The following DACH2 variants were observed in gnomAD, a reference collection of about 807,000 sequenced individuals.
The protein encoded by DACH2 is dachshund homolog 2.
A neutral mutation model predicts 35.8 loss-of-function variants in DACH2; 17 were observed. The ratio of observed to expected loss-of-function variants is 0.48; its 90% confidence interval spans 0.33 to 0.71. The LOEUF (loss-of-function observed/expected upper bound fraction) is 0.71. DACH2 is among the 30% of genes least tolerant of loss of function. The probability of loss-of-function intolerance (pLI) is 0.02; values close to 1 mark genes in which losing one functional copy is unlikely to be tolerated. For missense variants in DACH2, 469 were observed against 472.7 expected (o/e 0.99, Z 0.07); for synonymous variants, 195 against 177.3 (o/e 1.10, Z -0.79).
At chrX:86,732,726 C>T (rs1476948237) in intron 6 of DACH2, among the ~76,000 whole-genome samples, 4 of 112,214 alleles carry the variant, frequency 3.6e-5, no homozygotes, top group Non-Finnish European at 7.5e-5. Flanking sequence ...CTACTAAGTG[C>T]ACAGCATGTA....
chrX:86,282,168 AC>A (rs1203636534), intron 1 of DACH2, among the ~76,000 whole-genome samples: 2 of 50,168 alleles, frequency 4.0e-5, no homozygotes, highest in Non-Finnish European at 6.5e-5. Context: ...TTCGTATGGA[AC>A]CAAAAAAAAG....
At chrX:86,455,708 G>A (rs899799316) in intron 2 of DACH2, among the ~76,000 whole-genome samples, 26 of 112,229 alleles carry the variant, frequency 2.3e-4, no homozygotes, top group African/African-American at 6.5e-4. Flanking sequence ...ACTTGGTCCC[G>A]TCTCAGGCAG....
At chrX:86,361,107 CT>C (rs2035732846) in intron 1 of DACH2, among the ~76,000 whole-genome samples, 1 of 111,364 alleles carries the variant, frequency 9.0e-6, no homozygotes, top group South Asian at 3.7e-4. Context: ...TTGAAAAACT[CT>C]TTAAAGTGTA....
chrX:86,449,509 G>A (rs1479746140), intron 2 of DACH2, among the ~76,000 whole-genome samples: 1 of 111,450 alleles, frequency 9.0e-6, no homozygotes, highest in Admixed American at 9.5e-5. Flanking sequence ...TGAAGGGTAA[G>A]GACATATTAC....
At chrX:86,292,246 G>C (rs1313049175) in intron 1 of DACH2, among the ~76,000 whole-genome samples, 3 of 76,152 alleles carry the variant, frequency 3.9e-5, no homozygotes, top group Non-Finnish European at 7.2e-5. Context: ...ATGGTAGTTT[G>C]TATTTCTGTG....
intron 3 of DACH2, among the ~76,000 whole-genome samples, chrX:86,530,476 T>A (rs2038702393): frequency 9.0e-6 from 1 of 111,398 alleles, no homozygotes; most frequent in African/African-American, 3.3e-5. Flanking sequence ...TTTTAAAGCA[T>A]GGTACTTCCT....
intron 7 of DACH2, among the ~76,000 whole-genome samples, chrX:86,801,160 A>G (rs1343709846): frequency 2.7e-5 from 3 of 111,203 alleles, no homozygotes; most frequent in African/African-American, 9.8e-5. Flanking sequence ...AAACTCATCT[A>G]TTAGGAAAAC....
intron 7 of DACH2, among the ~76,000 whole-genome samples, chrX:86,787,403 T>C (rs2042147485): frequency 1.8e-5 from 2 of 110,939 alleles, no homozygotes; most frequent in South Asian, 3.8e-4. Context: ...TTGGATCACC[T>C]GAGGAGTTTG....
At chrX:86,740,372 CT>C (rs1264835917) in intron 7 of DACH2, among the ~76,000 whole-genome samples, 24 of 108,550 alleles carry the variant, frequency 2.2e-4, no homozygotes, top group African/African-American at 8.0e-4. Context: ...TATTTTTATA[CT>C]TTAAGTTTTA....
chrX:86,669,579 C>T (rs2040740243), intron 4 of DACH2, among the ~76,000 whole-genome samples: 2 of 110,710 alleles, frequency 1.8e-5, no homozygotes, highest in African/African-American at 3.3e-5. Context: ...AAACTAAGGC[C>T]CAAAGAGGCT....
At chrX:86,598,976 C>G (rs1009804517) in intron 3 of DACH2, among the ~76,000 whole-genome samples, 1 of 109,625 alleles carries the variant, frequency 9.1e-6, no homozygotes, top group Non-Finnish European at 1.9e-5. Context: ...ACGACAGGCC[C>G]CAGTGTGTGA....
chrX:86,590,832 A>G (rs2039635165), intron 3 of DACH2, among the ~76,000 whole-genome samples: 1 of 110,683 alleles, frequency 9.0e-6, no homozygotes, highest in Non-Finnish European at 1.9e-5. Context: ...TTATTATTAT[A>G]CTTTAAGTTT....
intron 1 of DACH2, among the ~76,000 whole-genome samples, chrX:86,375,917 A>G (rs896197527): frequency 3.6e-5 from 4 of 110,673 alleles, no homozygotes; most frequent in Non-Finnish European, 7.6e-5. Context: ...TGTATTACTA[A>G]GAAGTACATT....
intron 1 of DACH2, chrX:86,345,345 G>A: frequency 4.2e-6 from 1 of 237,494 alleles, no homozygotes; most frequent in Non-Finnish European, 7.9e-6. Flanking sequence ...ATGATTAAAA[G>A]TAAGAATGCA....
chrX:86,286,323 G>A (rs365702), intron 1 of DACH2, among the ~76,000 whole-genome samples: 20,590 of 108,172 alleles, frequency 0.19, 2,215 homozygotes, highest in African/African-American at 0.38. Context: ...GTAGAGACGG[G>A]GTTTCACCTT....
chrX:86,399,205 C>T (rs1354810826), intron 2 of DACH2, among the ~76,000 whole-genome samples: 2 of 111,385 alleles, frequency 1.8e-5, no homozygotes, highest in Admixed American at 9.6e-5. Context: ...GATTGCAACC[C>T]CTGCCTTTTT....
At chrX:86,452,048 T>C (rs2037387602) in intron 2 of DACH2, among the ~76,000 whole-genome samples, 1 of 111,876 alleles carries the variant, frequency 8.9e-6, no homozygotes, top group African/African-American at 3.2e-5. Flanking sequence ...GGATGTTGAA[T>C]TTTATCAAAA....
Position 86,534,604 on chromosome X carries a change from T to TTCTAGAC in DACH2, c.640+20216_640+20222dup, listed in dbSNP as rs763690805. Among the ~76,000 whole-genome samples, 841 of 112,027 alleles carry TTCTAGAC rather than the reference T, an allele frequency of 7.5e-3. 10 individuals carry two copies. The highest frequency in any genetic ancestry group is 0.026 in the African/African-American group (804 of 30,939). ...TGCATTAGACTCCACTTGGCTTTCTTTCTAGACTCAGAAATACCCTTCTCC... is the reference window on the plus strand; with the variant it reads ...TGCATTAGACTCCACTTGGCTTTCTTTCTAGACTCTAGACTCAGAAATACCCTTCTCC... On this transcript the variant is annotated intron_variant, in intron 3 of 11. Coordinates refer to ENST00000373125, the MANE Select transcript of DACH2 (RefSeq NM_053281.3).
At chrX:86,720,831 C>T (rs2041397464) in intron 6 of DACH2, among the ~76,000 whole-genome samples, 1 of 112,548 alleles carries the variant, frequency 8.9e-6, no homozygotes, top group South Asian at 3.7e-4. Flanking sequence ...GGGCTGTGTC[C>T]CTGCAGCAAA....
Sources: gnomAD v4.1 joint callset for allele counts (sites outside exome capture counted in the v4.1 genomes callset) on GRCh38, gnomAD v4.1.1 for gene constraint, MANE v1.5 for transcripts, NCBI Gene and HGNC (gene_info 2026-07-23, HGNC 2026-07-21) for gene names.